Variants in CHGB observed in about 807,000 individuals in gnomAD.
CHGB encodes secretogranin-1.
Under a neutral mutation model 69.9 loss-of-function variants are expected in CHGB, and 46 were observed. That is an observed-to-expected ratio of 0.66 (90% CI 0.52 to 0.84). The LOEUF is 0.84. CHGB is among the 40% of genes least tolerant of loss of function. CHGB has a pLI of 0.00. For synonymous variants in CHGB, 312 were observed against 298.2 expected (o/e 1.05, Z -0.48); for missense variants, 796 against 822.2 (o/e 0.97, Z 0.39).
At chr20:5,922,060 C>T (rs999082102) in intron 3 of CHGB, among the ~76,000 whole-genome samples, 3 of 152,134 alleles carry the variant, frequency 2.0e-5, no homozygotes, top group Non-Finnish European at 2.9e-5. Context: ...ATCTATATCT[C>T]GATTTCAGTT....
intron 3 of CHGB, among the ~76,000 whole-genome samples, chr20:5,921,211 A>T (rs117316428): frequency 6.6e-6 from 1 of 152,224 alleles, no homozygotes; most frequent in East Asian, 1.9e-4. Context: ...TAATGATATA[A>T]AAATTGTTGA....
intron 1 of CHGB, among the ~76,000 whole-genome samples, chr20:5,914,910 C>G (rs1482078080): frequency 2.0e-5 from 3 of 152,076 alleles, no homozygotes; most frequent in Non-Finnish European, 4.4e-5. Context: ...CAGGTTGAGC[C>G]CCATGATATG....
chr20:5,924,604 C>T (rs10485493), intron 4 of CHGB, among the ~76,000 whole-genome samples: 10,074 of 152,208 alleles, frequency 0.066, 891 homozygotes, highest in African/African-American at 0.2. Context: ...CTACTGCCAT[C>T]AGAAATTTGT....
At position 5,923,566 on chromosome 20, in the gene CHGB, C is replaced by T. The variant is rs774814252; in HGVS notation, c.1422C>T (p.Tyr474=). The change falls in exon 4 of 5, where the codon TAC becomes TAT. Residue 474 remains tyrosine (Y), a synonymous_variant. Coordinates refer to ENST00000378961, the MANE Select transcript of CHGB (RefSeq NM_001819.3). ...AGCTGGACAGAAATTATCTCAACTACGGTGAGGAAGGAGCCCCAGGGAAGT... is the reference window on the plus strand; with the variant it reads ...AGCTGGACAGAAATTATCTCAACTATGGTGAGGAAGGAGCCCCAGGGAAGT... The part of the protein sequence containing the change: ...WKELDRNYLN[Y]GEEGAPGKWQ... 1.2e-5 allele frequency: 19 copies of T among 1,613,916 alleles called. No individual in the cohort carries two copies. Among genetic ancestry groups the T allele is most frequent in the African/African-American group, 2.7e-5 (2 of 74,882 alleles).
intron 4 of CHGB, among the ~76,000 whole-genome samples, chr20:5,924,410 T>C (rs1443652626): frequency 6.6e-6 from 1 of 152,186 alleles, no homozygotes; most frequent in African/African-American, 2.4e-5. Context: ...TGCTGCCTGA[T>C]CATCAGAATA....
chr20:5,920,312 C>T (rs140201743), intron 3 of CHGB, among the ~76,000 whole-genome samples: 1 of 152,332 alleles, frequency 6.6e-6, no homozygotes, highest in East Asian at 1.9e-4. Context: ...CTTGTCTGAT[C>T]AGCTCTATTT....
At chr20:5,914,902 G>C (rs1458513643) in intron 1 of CHGB, among the ~76,000 whole-genome samples, 1 of 152,194 alleles carries the variant, frequency 6.6e-6, no homozygotes, top group African/African-American at 2.4e-5. Context: ...TTTATTTCCA[G>C]GTTGAGCCCC....
rs373817587 is a variant in CHGB at position 5,923,393 on chromosome 20, C to T, written c.1249C>T (p.Arg417Cys). The T allele has an allele frequency of 1.7e-5, 27 of 1,613,796 alleles. No homozygotes were observed. The highest frequency in any genetic ancestry group is 4.0e-5 in the African/African-American group (3 of 74,868). Residue 417 changes from arginine to cysteine, a missense_variant, in exon 4 of 5, where the codon CGC becomes TGC. By Grantham distance (180) the Arg-to-Cys change is radical. Around this residue, in one of 3 missense-constraint regions of CHGB, gnomAD observed 4 missense variants for 17.0 expected, o/e 0.24. Transcript: ENST00000378961. Reference sequence around the variant, plus strand: ...GAGGGGCCTTGAGCCGGGAAAGGGACGCCATCACAGAGGCAGGGGAGGGGA... The same window carrying T: ...GAGGGGCCTTGAGCCGGGAAAGGGATGCCATCACAGAGGCAGGGGAGGGGA... Reference protein sequence around the residue: ...EERGLEPGKGRHHRGRGGEPR... With the variant: ...EERGLEPGKGCHHRGRGGEPR...
In CHGB at chr20:5,925,059, G is replaced by T; in HGVS notation, c.*10G>T. Reference sequence around the variant, plus strand: ...CAGCCAAAGGGGCTGACTGTCATTGGAGCGGTGGGCACTGTTAAGAAGCAG... The same window carrying T: ...CAGCCAAAGGGGCTGACTGTCATTGTAGCGGTGGGCACTGTTAAGAAGCAG... On this transcript the variant is annotated 3_prime_UTR_variant, in exon 5 of 5. Transcript: ENST00000378961. The T allele has an allele frequency of 1.3e-6, 2 of 1,598,388 alleles. No individual in the cohort carries two copies. The highest frequency in any genetic ancestry group is 2.2e-5 in the South Asian group (2 of 90,504).
intron 1 of CHGB, among the ~76,000 whole-genome samples, chr20:5,912,967 G>A (rs954166082): frequency 6.6e-6 from 1 of 152,066 alleles, no homozygotes; most frequent in Non-Finnish European, 1.5e-5. Flanking sequence ...GTCAATAAAT[G>A]TTCTCAATTT....
At position 5,916,838 on chromosome 20, in the gene CHGB, A is replaced by G. The variant is rs949570464; in HGVS notation, c.109A>G (p.Ile37Val). ...GGTTTCCCCCCAGGTGACTCGCTGCATCATTGAGGTCCTCTCAAATGCCTT... is the reference window on the plus strand; with the variant it reads ...GGTTTCCCCCCAGGTGACTCGCTGCGTCATTGAGGTCCTCTCAAATGCCTT... The part of the protein sequence containing the change: ...NHNEGMVTRC[I>V]IEVLSNALSK... Residue 37 changes from isoleucine (I) to valine (V), a missense_variant, in exon 3 of 5, where the codon ATC becomes GTC. Coordinates refer to ENST00000378961, the MANE Select transcript of CHGB (RefSeq NM_001819.3). 22 of 1,614,052 alleles carry G rather than the reference A, an allele frequency of 1.4e-5. No individual in the cohort carries two copies. Among genetic ancestry groups the G allele is most frequent in the African/African-American group, 4.0e-5 (3 of 74,916 alleles).
chr20:5,917,017 G>A (rs1243942420), intron 3 of CHGB, 98 bp downstream of exon 3: 2 of 1,094,614 alleles, frequency 1.8e-6, no homozygotes, highest in African/African-American at 1.5e-5. Context: ...AATGACCTGG[G>A]GGCATAATGC....
chr20:5,916,191 G>A (rs1198413888), intron 1 of CHGB, 135 bp from the exon 2 acceptor site: 11 of 665,008 alleles, frequency 1.7e-5, no homozygotes, highest in Admixed American at 1.0e-4. Context: ...ATCTAAAATA[G>A]CATTTGTTTC....
chr20:5,913,628 CT>C (rs918275521), intron 1 of CHGB, among the ~76,000 whole-genome samples: 5,032 of 90,354 alleles, frequency 0.056, 99 homozygotes, highest in East Asian at 0.15. Flanking sequence ...CTTTTCTTTT[CT>C]TTTTTTTTTT....
chr20:5,920,886 C>G (rs2088509803), intron 3 of CHGB, among the ~76,000 whole-genome samples: 1 of 152,206 alleles, frequency 6.6e-6, no homozygotes, highest in Non-Finnish European at 1.5e-5. Flanking sequence ...TCATGCCAGA[C>G]TGGACTTTAA....
chr20:5,923,422 A>G lies in CHGB; in HGVS notation c.1278A>G (p.Pro426=), dbSNP rs768816863. The part of the protein sequence containing the change: ...GRHHRGRGGE[P]RAYFMSDTRE... ...ATCACAGAGGCAGGGGAGGGGAGCC[A>G]CGTGCCTATTTCATGTCTGACACCA... The change falls in exon 4 of 5, where the codon CCA becomes CCG. Residue 426 remains proline, a synonymous_variant. Coordinates refer to ENST00000378961, the MANE Select transcript of CHGB (RefSeq NM_001819.3). 1 of 1,614,132 alleles carries G rather than the reference A, an allele frequency of 6.2e-7. No homozygotes were observed. The highest frequency in any genetic ancestry group is 1.7e-5 in the Admixed American group (1 of 60,028).
chr20:5,921,126 T>G (rs2088511281), intron 3 of CHGB, among the ~76,000 whole-genome samples: 1 of 152,198 alleles, frequency 6.6e-6, no homozygotes, highest in Non-Finnish European at 1.5e-5. Context: ...AATTTTTTTC[T>G]GATATATAAT....
chr20:5,922,837 C>A lies in CHGB; in HGVS notation c.693C>A (p.Ser231Arg). The A allele has an allele frequency of 6.2e-7, 1 of 1,613,976 alleles. No individual in the cohort carries two copies. Among genetic ancestry groups the A allele is most frequent in the South Asian group, 1.1e-5 (1 of 91,072 alleles). Residue 231 changes from serine to arginine, a missense_variant, in exon 4 of 5, where the codon AGC (serine) becomes AGA (arginine). By Grantham distance (110) the Ser-to-Arg change is moderately radical. Coordinates refer to ENST00000378961, the MANE Select transcript of CHGB (RefSeq NM_001819.3). ...AAGHSQEKTHSREKSSQESGE... is the reference protein window; with the variant it reads ...AAGHSQEKTHRREKSSQESGE... ...GGCATTCTCAGGAGAAGACACATAG[C>A]CGAGAGAAGAGTAGCCAGGAGAGTG...
Position 5,922,415 on chromosome 20 carries a change from G to A in CHGB, c.271G>A (p.Asp91Asn). The change falls in exon 4 of 5, where the codon GAT becomes AAT. Residue 91 changes from aspartate to asparagine, a missense_variant. Asp to Asn is a conservative substitution (Grantham distance 23). Transcript: ENST00000378961. ...AGTAAGATTGTTAAGAGACCCAGCT[G>A]ATGCCTCGGAAGCCCACGAGTCCTC... is the stretch of plus-strand genomic sequence containing the variant. ...FEVRLLRDPA[D>N]ASEAHESSSR... The A allele has an allele frequency of 1.2e-6, 2 of 1,608,634 alleles. No homozygotes were observed. Among genetic ancestry groups the A allele is most frequent in the Admixed American group, 1.7e-5 (1 of 59,836 alleles).
Sources: allele counts gnomAD v4.1 joint callset (sites outside exome capture counted in the v4.1 genomes callset), GRCh38; gene constraint gnomAD v4.1.1; regional missense constraint gnomAD v4.1.1; transcripts MANE v1.5; gene names NCBI Gene and HGNC (gene_info 2026-07-23, HGNC 2026-07-21).